Variants in MAST4 observed in about 807,000 individuals in gnomAD.
MAST4 encodes the protein microtubule-associated serine/threonine-protein kinase 4.
MAST4 carries 89 observed loss-of-function variants against 162.7 expected under a neutral mutation model. That is an observed-to-expected ratio of 0.55 (90% confidence interval 0.46 to 0.65). The LOEUF (loss-of-function observed/expected upper bound fraction) is 0.65. MAST4 is among the 30% of genes least tolerant of loss of function. MAST4 has a pLI of 0.00. For synonymous variants in MAST4, 1,479 were observed against 1,361.1 expected, an observed-to-expected ratio of 1.09 and a Z score of -1.91; for missense variants, 3,153 against 3,374.0, an observed-to-expected ratio of 0.93 and a Z score of 1.62.
At chr5:66,930,402 G>A (rs948835951) in intron 4 of MAST4, among the ~76,000 whole-genome samples, 5 of 152,170 alleles carry the variant, frequency 3.3e-5, no homozygotes, top group Non-Finnish European at 5.9e-5. Context: ...GGTAAGAAGT[G>A]TAGTTCCCAC....
chr5:67,038,878 C>T (rs1220049442), intron 4 of MAST4, among the ~76,000 whole-genome samples: 2 of 152,128 alleles, frequency 1.3e-5, no homozygotes, highest in Non-Finnish European at 2.9e-5. Context: ...AACATTGCAG[C>T]CTTTTGTAAT....
At position 67,104,589 on chromosome 5, in the gene MAST4, A is replaced by G. The variant is rs755685053; in HGVS notation, c.1356+14A>G. 6 of 1,602,540 alleles carry G rather than the reference A, an allele frequency of 3.7e-6. No individual in the cohort carries two copies. The East Asian group carries it at 1.3e-4, about 36-fold the overall frequency. On this transcript the variant is annotated intron_variant, in intron 10 of 28. Coordinates refer to ENST00000403625, the MANE Select transcript of MAST4 (RefSeq NM_001164664.2). ...TTGCTACAGGAGGTAAGAACCATGT[A>G]CCATATAGTTTTCTGATTTATTTTG...
chr5:66,890,530 A>C (rs535246503), intron 3 of MAST4, among the ~76,000 whole-genome samples: 1 of 152,328 alleles, frequency 6.6e-6, no homozygotes, highest in Non-Finnish European at 1.5e-5. Flanking sequence ...CTGCTTTAAA[A>C]GGTCTGTGTT....
Position 67,167,985 on chromosome 5 carries a change from A to C in MAST4, c.*934A>C, listed in dbSNP as rs1721333568. The C allele has an allele frequency of 6.6e-6, 1 of 152,236 alleles. No homozygotes were observed. The highest frequency in any genetic ancestry group is 1.9e-4 in the East Asian group (1 of 5,202). 9.4% of individuals were successfully genotyped at this position (152,236 alleles called of 1,614,324 possible). A position where few individuals can be genotyped will look rare whatever the true frequency, so the allele number is the denominator to read the frequency against. On this transcript the variant is annotated 3_prime_UTR_variant, in exon 29 of 29. Transcript: ENST00000403625. ...TCAGGCCTTTATGCTGTGAGTGACT[A>C]GTCCAAGAAGCACACATTTTGTAGT... is the stretch of plus-strand genomic sequence containing the variant.
chr5:67,154,324 A>G (rs893111767), intron 26 of MAST4, among the ~76,000 whole-genome samples: 1 of 152,242 alleles, frequency 6.6e-6, no homozygotes, highest in African/African-American at 2.4e-5. Flanking sequence ...CTCCTGCGAC[A>G]GCATATCTCT....
At chr5:66,767,266 G>C (rs2149628708) in intron 2 of MAST4, among the ~76,000 whole-genome samples, 1 of 151,430 alleles carries the variant, frequency 6.6e-6, no homozygotes, top group South Asian at 2.1e-4. Context: ...CATTCAGCTA[G>C]ATAAGAGATG....
chr5:66,652,579 C>T (rs1204651647), intron 1 of MAST4, among the ~76,000 whole-genome samples: 1 of 152,126 alleles, frequency 6.6e-6, no homozygotes, highest in Admixed American at 6.5e-5. Flanking sequence ...ATTTATCTAT[C>T]TACCTAAATA....
At chr5:66,810,071 T>TG (rs1237265577) in intron 3 of MAST4, among the ~76,000 whole-genome samples, 1 of 152,176 alleles carries the variant, frequency 6.6e-6, no homozygotes, top group Non-Finnish European at 1.5e-5. Context: ...GACCAGTCCC[T>TG]GGGGGGTGGA....
intron 3 of MAST4, among the ~76,000 whole-genome samples, chr5:66,837,342 T>G (rs190539096): frequency 6.6e-6 from 1 of 152,278 alleles, no homozygotes; most frequent in Admixed American, 6.5e-5. Context: ...CATTATATCT[T>G]AGTGGGATAT....
chr5:67,135,036 G>T (rs1769443178), intron 18 of MAST4, among the ~76,000 whole-genome samples: 1 of 152,160 alleles, frequency 6.6e-6, no homozygotes, highest in Non-Finnish European at 1.5e-5. Context: ...AGTTACACCA[G>T]GGAAGAAAAG....
intron 1 of MAST4, among the ~76,000 whole-genome samples, chr5:66,678,499 ATT>A (rs35152065): frequency 5.6e-5 from 8 of 143,872 alleles, no homozygotes; most frequent in South Asian, 2.2e-4. Context: ...TATCAACTAC[ATT>A]TTTTTTTTTT....
At chr5:66,876,631 G>A (rs373298635) in intron 3 of MAST4, among the ~76,000 whole-genome samples, 5 of 152,306 alleles carry the variant, frequency 3.3e-5, no homozygotes, top group East Asian at 3.9e-4. Context: ...AAGCCACTCC[G>A]TAGAGTGATC....
intron 4 of MAST4, among the ~76,000 whole-genome samples, chr5:66,961,245 G>A (rs905783495): frequency 6.6e-6 from 1 of 152,208 alleles, no homozygotes; most frequent in African/African-American, 2.4e-5. Context: ...TCTTATCACA[G>A]ATTCTATTAA....
At chr5:66,824,036 A>G (rs1459939487) in intron 3 of MAST4, among the ~76,000 whole-genome samples, 1 of 152,240 alleles carries the variant, frequency 6.6e-6, no homozygotes, top group Non-Finnish European at 1.5e-5. Context: ...AATGGAAAGA[A>G]GTAATCAGTG....
chr5:67,166,937 C>G lies in MAST4; in HGVS notation c.7758C>G (p.Ser2586=). The part of the protein sequence containing the change: ...QNVGRDVTKP[S]PAPNTDRPIS... ...TGGGCAGAGACGTGACCAAGCCATC[C>G]CCAGCCCCAAACACTGACCGCCCCA... The change falls in exon 29 of 29, where the codon TCC becomes TCG. Residue 2586 remains serine, a synonymous_variant. Transcript: ENST00000403625. 3 of 1,612,268 alleles carry G rather than the reference C, an allele frequency of 1.9e-6. No individual in the cohort carries two copies. Among genetic ancestry groups the G allele is most frequent in the Non-Finnish European group, 2.5e-6 (3 of 1,179,550 alleles).
chr5:66,681,188 C>T (rs966755649), intron 1 of MAST4, among the ~76,000 whole-genome samples: 4 of 152,222 alleles, frequency 2.6e-5, no homozygotes, highest in Non-Finnish European at 4.4e-5. Flanking sequence ...TTCACAGTGA[C>T]AGTGTTTCAG....
At chr5:66,767,114 G>A (rs768173450) in intron 2 of MAST4, among the ~76,000 whole-genome samples, 19 of 151,284 alleles carry the variant, frequency 1.3e-4, no homozygotes, top group Non-Finnish European at 2.2e-4. Flanking sequence ...GCTAATTTCC[G>A]TTCCTATTCT....
intron 1 of MAST4, among the ~76,000 whole-genome samples, chr5:66,686,302 A>G (rs1284960677): frequency 1.3e-5 from 2 of 152,114 alleles, no homozygotes; most frequent in Non-Finnish European, 2.9e-5. Context: ...CTGTTTAACA[A>G]ATGTTGCCAT....
chr5:66,663,223 A>G (rs4501302), intron 1 of MAST4, among the ~76,000 whole-genome samples: 39,806 of 152,004 alleles, frequency 0.26, 5,510 homozygotes, highest in Admixed American at 0.38. Context: ...GTGTGTATAC[A>G]TGGATTGTTT....
Sources: allele counts gnomAD v4.1 joint callset (sites outside exome capture counted in the v4.1 genomes callset), GRCh38; gene constraint gnomAD v4.1.1; transcripts MANE v1.5; gene names NCBI Gene and HGNC (gene_info 2026-07-23, HGNC 2026-07-21).